The following RABGAP1L variants were observed in gnomAD, a reference collection of about 807,000 sequenced individuals.
RABGAP1L encodes the protein rab GTPase-activating protein 1-like.
RABGAP1L carries 63 observed loss-of-function variants against 137.7 expected under a neutral mutation model. The observed-to-expected ratio is 0.46, with a 90% CI of 0.37 to 0.56. The LOEUF is 0.56. Ranked by LOEUF, RABGAP1L falls within the 20% of genes least tolerant of loss-of-function variation. RABGAP1L has a pLI of 0.00. For missense variants in RABGAP1L, 1,095 were observed against 1,244.0 expected (o/e 0.88, Z 1.80); for synonymous variants, 431 against 433.7 (o/e 0.99, Z 0.08).
chr1:174,961,845 C>CAA (rs61233451), intron 20 of RABGAP1L, among the ~76,000 whole-genome samples: 17 of 88,726 alleles, frequency 1.9e-4, no homozygotes, highest in Non-Finnish European at 2.8e-4. Context: ...GACTCTGTCT[C>CAA]AAAAAAAAAA....
rs868005562 is a variant in RABGAP1L, at chr1:174,349,044, C to T, written c.1466-21935C>T. Among the ~76,000 whole-genome samples the T allele has an allele frequency of 6.3e-4, 65 of 102,850 alleles. No homozygotes were observed. The South Asian group carries it at 7.5e-3, about 12-fold the overall frequency. 67.5% of individuals were successfully genotyped at this position (102,850 alleles called of 152,430 possible). A position where few individuals can be genotyped will look rare whatever the true frequency, so the allele number is the denominator to read the frequency against. On this transcript the variant is annotated intron_variant, in intron 11 of 25. Coordinates refer to ENST00000681986, the MANE Select transcript of RABGAP1L (RefSeq NM_001366446.1). Reference sequence around the variant, plus strand: ...CTCCCGGACAGGGCGGCTGGCCGGGCGGGGGGGGGGCTGACCCCCCCCACC... The same window carrying T: ...CTCCCGGACAGGGCGGCTGGCCGGGTGGGGGGGGGGCTGACCCCCCCCACC...
chr1:174,468,294 C>G (rs1657527620), intron 13 of RABGAP1L, among the ~76,000 whole-genome samples: 1 of 151,998 alleles, frequency 6.6e-6, no homozygotes, highest in African/African-American at 2.4e-5. Flanking sequence ...AAGTGATGCC[C>G]TAGTACTCTA....
At chr1:174,487,446 C>T (rs555359397) in intron 13 of RABGAP1L, among the ~76,000 whole-genome samples, 1 of 152,054 alleles carries the variant, frequency 6.6e-6, no homozygotes, top group Non-Finnish European at 1.5e-5. Flanking sequence ...TATAACTACT[C>T]CTACTTTTTT....
At chr1:174,528,466 T>C (rs760500700) in intron 13 of RABGAP1L, among the ~76,000 whole-genome samples, 4 of 152,086 alleles carry the variant, frequency 2.6e-5, no homozygotes, top group African/African-American at 4.8e-5. Context: ...AAGGATAATT[T>C]TGTTTGCTAT....
chr1:174,167,157 A>G (rs901105712), intron 1 of RABGAP1L, among the ~76,000 whole-genome samples: 1 of 152,202 alleles, frequency 6.6e-6, no homozygotes, highest in African/African-American at 2.4e-5. Flanking sequence ...GATGCCTCAC[A>G]CCAGTTAAAT....
chr1:174,694,649 G>T (rs886126360), intron 15 of RABGAP1L, among the ~76,000 whole-genome samples: 7 of 151,808 alleles, frequency 4.6e-5, no homozygotes, highest in South Asian at 2.1e-4. Flanking sequence ...GAATAATGCC[G>T]CAATAAACAT....
intron 17 of RABGAP1L, among the ~76,000 whole-genome samples, chr1:174,737,690 CTT>C (rs1462913163): frequency 6.6e-6 from 1 of 152,120 alleles, no homozygotes; most frequent in African/African-American, 2.4e-5. Context: ...ACACCTGAGA[CTT>C]TGTGTAATTT....
intron 12 of RABGAP1L, among the ~76,000 whole-genome samples, chr1:174,384,447 G>T (rs914555244): frequency 7.0e-6 from 1 of 143,530 alleles, no homozygotes; most frequent in Non-Finnish European, 1.5e-5. Flanking sequence ...TGACAAAAAA[G>T]AAAAAAAAGC....
Position 174,382,870 on chromosome 1 carries a change from G to A in RABGAP1L, c.1560-11125G>A, listed in dbSNP as rs1051992712. ...CTTTGGAGGAGGAGAGACACTCTGC[G>A]TTTTAGAGTTTCCAGTTTTTCTGTT... On this transcript the variant is annotated intron_variant, in intron 12 of 25. Coordinates refer to ENST00000681986, the MANE Select transcript of RABGAP1L (RefSeq NM_001366446.1). Among the ~76,000 whole-genome samples, 4 of 151,694 alleles carry A rather than the reference G, an allele frequency of 2.6e-5. 1 individual carries two copies. The highest frequency in any genetic ancestry group is 7.3e-5 in the African/African-American group (3 of 41,378).
Position 174,978,804 on chromosome 1 carries a change from T to A in RABGAP1L, c.2650-3T>A. ...CTGATATTTCTCATTCTATTCTTTC[T>A]AGCTAAAAGAAGTCTTCAGGAAACA... On this transcript the variant is annotated splice_polypyrimidine_tract_variant and splice_region_variant and intron_variant, in intron 22 of 25. Transcript: ENST00000681986. The A allele has an allele frequency of 6.5e-7, 1 of 1,527,708 alleles. No homozygotes were observed. The highest frequency in any genetic ancestry group is 8.8e-7 in the Non-Finnish European group (1 of 1,140,764). The allele number at this position is 1,527,708 out of a possible 1,614,324, so 94.6% of individuals were successfully genotyped here.
chr1:174,588,611 C>T (rs1669311563), intron 13 of RABGAP1L, among the ~76,000 whole-genome samples: 1 of 152,170 alleles, frequency 6.6e-6, no homozygotes, highest in Non-Finnish European at 1.5e-5. Context: ...ACTCCCGCTA[C>T]CCTTCTCAAC....
At chr1:174,566,061 G>T (rs982078838) in intron 13 of RABGAP1L, among the ~76,000 whole-genome samples, 2 of 151,848 alleles carry the variant, frequency 1.3e-5, no homozygotes, top group Admixed American at 1.3e-4. Context: ...GCTAATTTTT[G>T]TAGAAATTAG....
chr1:174,541,731 A>G (rs1366329874), intron 13 of RABGAP1L, among the ~76,000 whole-genome samples: 1 of 152,050 alleles, frequency 6.6e-6, no homozygotes, highest in Non-Finnish European at 1.5e-5. Flanking sequence ...AGCCGAGATC[A>G]TGCCACTGCA....
At chr1:174,916,121 CA>C (rs1477582968) in intron 19 of RABGAP1L, among the ~76,000 whole-genome samples, 2 of 135,506 alleles carry the variant, frequency 1.5e-5, no homozygotes, top group Non-Finnish European at 3.2e-5. Flanking sequence ...GGTCTATGTA[CA>C]TTTTTTTTTT....
intron 11 of RABGAP1L, among the ~76,000 whole-genome samples, chr1:174,368,517 T>C (rs1684838493): frequency 6.6e-6 from 1 of 152,224 alleles, no homozygotes; most frequent in Non-Finnish European, 1.5e-5. Context: ...TACGTTTCAT[T>C]GTTTTAATTT....
At chr1:174,793,887 G>C (rs1404922266) in intron 18 of RABGAP1L, among the ~76,000 whole-genome samples, 1 of 152,092 alleles carries the variant, frequency 6.6e-6, no homozygotes, top group African/African-American at 2.4e-5. Context: ...AGTAGAGACA[G>C]GTTTATGATA....
In RABGAP1L at chr1:174,340,848, A is replaced by G. The variant is rs575955546; in HGVS notation, c.1466-30131A>G. On this transcript the variant is annotated intron_variant, in intron 11 of 25. Transcript: ENST00000681986. ...TTCTAGATCTTTCGGGAATTGCCAC[A>G]TTGTCTTCCACAATGGTTGAAATAA... Among the ~76,000 whole-genome samples the G allele has an allele frequency of 1.8e-4, 28 of 152,310 alleles. 1 individual carries two copies. In the South Asian group the frequency reaches 4.6e-3, roughly 25 times the overall value.
intron 13 of RABGAP1L, among the ~76,000 whole-genome samples, chr1:174,550,988 A>ATATACATATG (rs1558334304): frequency 3.2e-4 from 32 of 100,392 alleles, no homozygotes; most frequent in African/African-American, 1.4e-3. Context: ...ATATACATAT[A>ATATACATATG]TATATATACA....
At chr1:174,451,748 G>A (rs750349319) in intron 13 of RABGAP1L, among the ~76,000 whole-genome samples, 2 of 151,680 alleles carry the variant, frequency 1.3e-5, no homozygotes, top group Non-Finnish European at 2.9e-5. Context: ...TTCTTTTCTT[G>A]TCTTGTGATA....
Sources: gnomAD v4.1 joint callset for allele counts (sites outside exome capture counted in the v4.1 genomes callset) on GRCh38, gnomAD v4.1.1 for gene constraint, MANE v1.5 for transcripts, NCBI Gene and HGNC (gene_info 2026-07-23, HGNC 2026-07-21) for gene names.